Variants in AGO1 observed in about 807,000 individuals in gnomAD.
AGO1 encodes the protein protein argonaute-1.
Under a neutral mutation model 109.2 loss-of-function variants are expected in AGO1, and 11 were observed. That is an observed-to-expected ratio of 0.10 (90% CI 0.06 to 0.17). The LOEUF (loss-of-function observed/expected upper bound fraction) is 0.17, where lower values mean the gene tolerates loss of function less well. Ranked by LOEUF, AGO1 falls within the 10% of genes least tolerant of loss-of-function variation. AGO1 has a pLI of 1.00. For missense variants in AGO1, 574 were observed against 1,140.3 expected (o/e 0.50, Z 7.15); for synonymous variants, 422 against 418.6 (o/e 1.01, Z -0.10).
At chr1:35,918,489 G>T (rs1645774598) in intron 17 of AGO1, 66 bp downstream of exon 17, 1 of 1,186,764 alleles carries the variant, frequency 8.4e-7, no homozygotes, top group South Asian at 1.2e-5. Flanking sequence ...ATTGCCTCTA[G>T]AATGTATCAG....
chr1:35,892,770 T>C (rs1645244892), intron 3 of AGO1, 93 bp downstream of exon 3: 1 of 1,568,632 alleles, frequency 6.4e-7, no homozygotes, highest in Non-Finnish European at 8.7e-7. Flanking sequence ...ATCCTTTTCA[T>C]CTTTTGTGCT....
At chr1:35,885,841 T>C (rs776035062) in intron 1 of AGO1, among the ~76,000 whole-genome samples, 1 of 152,232 alleles carries the variant, frequency 6.6e-6, no homozygotes, top group African/African-American at 2.4e-5. Context: ...TCAAATCACA[T>C]TCAAGTGTGA....
At chr1:35,909,736 C>T (rs1234172312) in intron 12 of AGO1, among the ~76,000 whole-genome samples, 2 of 152,278 alleles carry the variant, frequency 1.3e-5, no homozygotes, top group East Asian at 3.9e-4. Flanking sequence ...AATCTTTCCT[C>T]TCTATATACA....
intron 8 of AGO1, among the ~76,000 whole-genome samples, chr1:35,896,799 A>C (rs1280249039): frequency 6.6e-6 from 1 of 152,242 alleles, no homozygotes; most frequent in Non-Finnish European, 1.5e-5. Context: ...AAGAACTCTG[A>C]CTTGGTTAAT....
At position 35,894,536 on chromosome 1, in the gene AGO1, G is replaced by A. The variant is rs534693602; in HGVS notation, c.872+134G>A. 2.2e-5 allele frequency: 19 copies of A among 881,332 alleles called. No individual in the cohort carries two copies. In the African/African-American group the frequency reaches 3.0e-4, roughly 14 times the overall value. The allele number at this position is 881,332 out of a possible 1,614,324, so 54.6% of individuals were successfully genotyped here. On this transcript the variant is annotated intron_variant, in intron 7 of 18. Transcript: ENST00000373204. ...GGACTGGCCCTGTTTTTGAAGATAAGCTGTGGGAATTTGGCATCCTTTCTC... is the reference window on the plus strand; with the variant it reads ...GGACTGGCCCTGTTTTTGAAGATAAACTGTGGGAATTTGGCATCCTTTCTC...
chr1:35,893,710 T>C lies in AGO1; in HGVS notation c.549T>C (p.Pro183=). The change falls in exon 5 of 19, where the codon CCT becomes CCC. Residue 183 remains proline, a synonymous_variant. Transcript: ENST00000373204. The surrounding 1 kb of genome is among the most constrained non-coding windows in gnomAD (Gnocchi z 5.6). ...TGGGCCGCTCCTTCTTCTCACCGCC[T>C]GAGGGCTACTACCACCCGCTGGGGG... ...TPVGRSFFSP[P]EGYYHPLGGG... is the part of the protein sequence containing the mutation. 1.2e-6 allele frequency: 2 copies of C among 1,613,912 alleles called. No homozygotes were observed. Among genetic ancestry groups the C allele is most frequent in the Non-Finnish European group, 1.7e-6 (2 of 1,179,936 alleles).
upstream of AGO1, among the ~76,000 whole-genome samples, chr1:35,881,060 C>T (rs560632172): frequency 8.5e-5 from 13 of 152,286 alleles, no homozygotes; most frequent in Admixed American, 5.2e-4. Flanking sequence ...AATTGAGACA[C>T]GGAGAAGTTA....
chr1:35,911,232 T>C (rs996986044), intron 12 of AGO1, among the ~76,000 whole-genome samples: 3 of 152,136 alleles, frequency 2.0e-5, no homozygotes, highest in Admixed American at 6.5e-5. Context: ...CATATCCTTA[T>C]CAAACTTGGT....
chr1:35,899,417 T>G (rs114472655), intron 8 of AGO1, among the ~76,000 whole-genome samples: 1 of 152,346 alleles, frequency 6.6e-6, no homozygotes, highest in African/African-American at 2.4e-5. Context: ...GAAGCAGAAT[T>G]GCTGGTTTAT....
In AGO1 at chr1:35,920,552, T is replaced by G. The variant is rs979737204; in HGVS notation, c.*945T>G. The G allele has an allele frequency of 2.6e-5, 4 of 152,560 alleles. No homozygotes were observed. Among genetic ancestry groups the G allele is most frequent in the Non-Finnish European group, 2.9e-5 (2 of 68,048 alleles). 9.5% of individuals were successfully genotyped at this position (152,560 alleles called of 1,614,324 possible). Reference sequence around the variant, plus strand: ...TTGAAGGAATTGACTTCCTCATTCATTGAGCTTTTTAAAAGATCACAACCT... The same window carrying G: ...TTGAAGGAATTGACTTCCTCATTCAGTGAGCTTTTTAAAAGATCACAACCT... On this transcript the variant is annotated 3_prime_UTR_variant, in exon 19 of 19. Coordinates refer to ENST00000373204, the MANE Select transcript of AGO1 (RefSeq NM_012199.5).
chr1:35,907,403 ATTCCTGTCCTTAGGAGTGCG>A (rs1251345648), intron 12 of AGO1, among the ~76,000 whole-genome samples: 2 of 151,894 alleles, frequency 1.3e-5, no homozygotes, highest in Admixed American at 6.6e-5. Flanking sequence ...GTTGGTCTAG[ATTCCTGTCCTTAGGAGTGCG>A]TTCCTGTCCT....
At chr1:35,909,372 C>G (rs1008971316) in intron 12 of AGO1, among the ~76,000 whole-genome samples, 1 of 152,206 alleles carries the variant, frequency 6.6e-6, no homozygotes, top group African/African-American at 2.4e-5. Context: ...ACATATCTAA[C>G]CTTTCTAAGC....
chr1:35,917,152 C>G (rs1645749724), intron 15 of AGO1, among the ~76,000 whole-genome samples: 1 of 152,212 alleles, frequency 6.6e-6, no homozygotes, highest in Non-Finnish European at 1.5e-5. Context: ...CCTACTCTCT[C>G]TGCACCCATT....
intron 12 of AGO1, among the ~76,000 whole-genome samples, chr1:35,907,552 C>G (rs1401191838): frequency 6.6e-6 from 1 of 152,142 alleles, no homozygotes; most frequent in Non-Finnish European, 1.5e-5. Context: ...TATCTCTCCT[C>G]TTTTCCTCTC....
At chr1:35,890,988 T>C (rs1645207507) in intron 2 of AGO1, among the ~76,000 whole-genome samples, 1 of 152,236 alleles carries the variant, frequency 6.6e-6, no homozygotes, top group South Asian at 2.1e-4. Flanking sequence ...TGTATATGTC[T>C]GGAAACTCGA....
chr1:35,885,872 A>G (rs900268034), intron 1 of AGO1, among the ~76,000 whole-genome samples: 1 of 152,272 alleles, frequency 6.6e-6, no homozygotes, highest in Admixed American at 6.5e-5. Context: ...TTAAGCACGT[A>G]TGTGGATATT....
chr1:35,879,911 G>A (rs1470400166), upstream of AGO1, among the ~76,000 whole-genome samples: 1 of 152,134 alleles, frequency 6.6e-6, no homozygotes, highest in African/African-American at 2.4e-5. Flanking sequence ...GGTCAGAATA[G>A]TGACTACTGC....
In AGO1 at chr1:35,894,060, G is replaced by A; in HGVS notation, c.673G>A (p.Ala225Thr). 1 of 1,565,736 alleles carries A rather than the reference G, an allele frequency of 6.4e-7. No homozygotes were observed. Among genetic ancestry groups the A allele is most frequent in the South Asian group, 1.2e-5 (1 of 82,326 alleles). ...AGTCTCAGCCACTGCCTTTTATAAG[G>A]CACAGCCAGTGATTGAGTTCATGTG... ...IDVSATAFYK[A>T]QPVIEFMCEV... is the part of the protein sequence containing the mutation. The change falls in exon 6 of 19, where the codon GCA (alanine) becomes ACA (threonine). Residue 225 changes from alanine to threonine, a missense_variant. Ala to Thr is a moderately conservative substitution (Grantham distance 58, BLOSUM62 0). Coordinates refer to ENST00000373204, the MANE Select transcript of AGO1 (RefSeq NM_012199.5).
At chr1:35,904,138 G>GT (rs1645474403) in intron 11 of AGO1, among the ~76,000 whole-genome samples, 2 of 131,440 alleles carry the variant, frequency 1.5e-5, no homozygotes, top group African/African-American at 5.9e-5. Flanking sequence ...TTGAGGCGGA[G>GT]TCTCTCTCTG....
Sources: gnomAD v4.1 joint callset for allele counts (sites outside exome capture counted in the v4.1 genomes callset) on GRCh38, gnomAD v4.1.1 for gene constraint, Gnocchi (gnomAD v3.1) non-coding constraint, MANE v1.5 for transcripts, NCBI Gene and HGNC (gene_info 2026-07-23, HGNC 2026-07-21) for gene names.